Variants in KIF18A observed in about 807,000 individuals in gnomAD.
KIF18A encodes the protein kinesin-like protein KIF18A.
In KIF18A, 67 loss-of-function variants were observed where a neutral mutation model predicts 103.3. That is an observed-to-expected ratio of 0.65 (90% CI 0.53 to 0.79). The LOEUF is 0.79. Among genes scored for constraint, KIF18A ranks in the 30% least tolerant of loss-of-function variants. The pLI is 0.00. For missense variants in KIF18A, 1,032 were observed against 1,062.5 expected, an observed-to-expected ratio of 0.97 and a Z score of 0.40; for synonymous variants, 367 against 355.5, an observed-to-expected ratio of 1.03 and a Z score of -0.36.
At chr11:28,091,866 A>G (rs1851309267) in intron 3 of KIF18A, among the ~76,000 whole-genome samples, 1 of 152,100 alleles carries the variant, frequency 6.6e-6, no homozygotes. Flanking sequence ...CCCAGGCTGG[A>G]GTACAGTGGC....
intron 5 of KIF18A, among the ~76,000 whole-genome samples, chr11:28,089,150 A>C (rs1422953890): frequency 1.3e-5 from 2 of 152,208 alleles, no homozygotes; most frequent in Non-Finnish European, 2.9e-5. Context: ...TCTTGATCCA[A>C]ACTGAAGAGT....
At chr11:28,053,784 CT>C (rs1850742514) in intron 13 of KIF18A, among the ~76,000 whole-genome samples, 1 of 151,960 alleles carries the variant, frequency 6.6e-6, no homozygotes, top group Non-Finnish European at 1.5e-5. Flanking sequence ...GTTTTCAAGA[CT>C]AGACATGAGC....
chr11:28,028,886 G>C (rs1850357355), intron 15 of KIF18A, among the ~76,000 whole-genome samples: 1 of 152,112 alleles, frequency 6.6e-6, no homozygotes, highest in Admixed American at 6.5e-5. Flanking sequence ...TACCATCAGA[G>C]AATACTACAA....
chr11:28,064,048 T>C (rs1171615813), intron 11 of KIF18A, among the ~76,000 whole-genome samples: 1 of 151,520 alleles, frequency 6.6e-6, no homozygotes, highest in African/African-American at 2.4e-5. Context: ...CCTATTTATA[T>C]ATTAAAGTTA....
chr11:28,082,297 T>C (rs1195832810), intron 9 of KIF18A, among the ~76,000 whole-genome samples: 5 of 152,090 alleles, frequency 3.3e-5, no homozygotes, highest in Non-Finnish European at 7.4e-5. Flanking sequence ...ACACTACAGA[T>C]AAATCTTTCA....
At chr11:28,098,597 T>G (rs1397713693) in intron 1 of KIF18A, among the ~76,000 whole-genome samples, 1 of 152,076 alleles carries the variant, frequency 6.6e-6, no homozygotes, top group Non-Finnish European at 1.5e-5. Flanking sequence ...ATAGCTCAGG[T>G]CTGAAGGTGA....
chr11:28,047,148 C>G (rs1323832762), intron 13 of KIF18A, among the ~76,000 whole-genome samples: 1 of 143,434 alleles, frequency 7.0e-6, no homozygotes, highest in African/African-American at 2.6e-5. Context: ...CAATAGAAAA[C>G]AGAAAAATCC....
chr11:28,080,445 T>C (rs1426536300), intron 9 of KIF18A, among the ~76,000 whole-genome samples: 1 of 151,816 alleles, frequency 6.6e-6, no homozygotes, highest in African/African-American at 2.4e-5. Context: ...GAGCATTCAG[T>C]GTCACATTTT....
intron 9 of KIF18A, among the ~76,000 whole-genome samples, chr11:28,079,519 TA>T (rs1851136077): frequency 6.6e-6 from 1 of 152,264 alleles, no homozygotes; most frequent in African/African-American, 2.4e-5. Context: ...CTTTTGACTA[TA>T]ATCTTGTTTT....
At chr11:28,074,496 A>C (rs10767694) in intron 10 of KIF18A, among the ~76,000 whole-genome samples, 13,541 of 152,190 alleles carry the variant, frequency 0.089, 1,126 homozygotes, top group East Asian at 0.4. Flanking sequence ...TTGAAAAGAA[A>C]ATTTCATTAA....
chr11:28,098,126 T>C, intron 1 of KIF18A, 133 bp from the exon 2 acceptor site: 1 of 533,132 alleles, frequency 1.9e-6, no homozygotes, highest in Non-Finnish European at 3.3e-6. Flanking sequence ...GGGGGAAAAA[T>C]ACATACATAC....
intron 11 of KIF18A, among the ~76,000 whole-genome samples, chr11:28,064,073 A>G (rs1370315109): frequency 1.3e-5 from 2 of 151,284 alleles, no homozygotes; most frequent in Non-Finnish European, 3.0e-5. Flanking sequence ...TTATTTATAT[A>G]TATTAAAGTT....
At chr11:28,026,628 T>G (rs1850324536) in intron 15 of KIF18A, among the ~76,000 whole-genome samples, 1 of 151,902 alleles carries the variant, frequency 6.6e-6, no homozygotes, top group Non-Finnish European at 1.5e-5. Flanking sequence ...TCACTCCAAA[T>G]ACACAATTCA....
intron 11 of KIF18A, 128 bp from the exon 12 acceptor site, chr11:28,062,644 C>T: frequency 1.4e-6 from 1 of 702,018 alleles, no homozygotes; most frequent in Admixed American, 4.2e-5. Context: ...TGTTTAGAAA[C>T]AATTTGAAAA....
intron 15 of KIF18A, among the ~76,000 whole-genome samples, chr11:28,026,984 A>C (rs1311790616): frequency 1.3e-5 from 2 of 151,788 alleles, no homozygotes; most frequent in African/African-American, 4.8e-5. Context: ...AAAATCCATA[A>C]ATTTTAAATT....
chr11:28,100,842 C>T (rs1193864914), intron 1 of KIF18A, among the ~76,000 whole-genome samples: 1 of 151,978 alleles, frequency 6.6e-6, no homozygotes, highest in Non-Finnish European at 1.5e-5. Flanking sequence ...GTTTTTCATC[C>T]CTGAGCTTCC....
intron 11 of KIF18A, among the ~76,000 whole-genome samples, chr11:28,067,506 T>G (rs1850949677): frequency 6.6e-6 from 1 of 152,128 alleles, no homozygotes; most frequent in Non-Finnish European, 1.5e-5. Flanking sequence ...TTACAGCCAT[T>G]GCTAGCCCAT....
In KIF18A at chr11:28,027,738, G is replaced by A. The variant is rs563750106; in HGVS notation, c.2505-3888C>T. Among the ~76,000 whole-genome samples the A allele has an allele frequency of 1.9e-3, 296 of 152,046 alleles. 2 individuals carry two copies. Among genetic ancestry groups the A allele is most frequent in the African/African-American group, 6.4e-3 (267 of 41,528 alleles). ...CCCAGCAAAGAAAAGCTTGGAATTTGATGGCTTCACTGCTGATTTTTACCA... is the reference window on the plus strand; with the variant it reads ...CCCAGCAAAGAAAAGCTTGGAATTTAATGGCTTCACTGCTGATTTTTACCA... On this transcript the variant is annotated intron_variant, in intron 15 of 16. Coordinates refer to ENST00000263181, the MANE Select transcript of KIF18A (RefSeq NM_031217.4).
chr11:28,067,936 T>C (rs1850956307), intron 11 of KIF18A, among the ~76,000 whole-genome samples: 1 of 152,188 alleles, frequency 6.6e-6, no homozygotes, highest in Non-Finnish European at 1.5e-5. Context: ...CAAAGGATTA[T>C]AAATTATTCT....
Sources: gnomAD v4.1 joint callset for allele counts (sites outside exome capture counted in the v4.1 genomes callset) on GRCh38, gnomAD v4.1.1 for gene constraint, MANE v1.5 for transcripts, NCBI Gene and HGNC (gene_info 2026-07-23, HGNC 2026-07-21) for gene names.